MACF1: variants seen among roughly 807,000 people sequenced by gnomAD.
The protein encoded by MACF1 is microtubule actin crosslinking factor 1, also known as microtubule-actin cross-linking factor 1.
MACF1 carries 193 observed loss-of-function variants against 854.8 expected under a neutral mutation model. The ratio of observed to expected loss-of-function variants is 0.23; its 90% CI spans 0.20 to 0.25. The LOEUF is 0.25. Among genes scored for constraint, MACF1 ranks in the 10% least tolerant of loss-of-function variants. The probability of loss-of-function intolerance (pLI) is 1.00; values close to 1 mark genes in which losing one functional copy is unlikely to be tolerated. For missense variants in MACF1, 7,722 were observed against 8,929.1 expected, an observed-to-expected ratio of 0.86 and a Z score of 5.45; for synonymous variants, 3,185 against 3,226.7, an observed-to-expected ratio of 0.99 and a Z score of 0.44.
Position 39,335,584 on chromosome 1 carries a change from T to A in MACF1, c.8996T>A (p.Leu2999Ter). 1 of 1,614,150 alleles carries A rather than the reference T, an allele frequency of 6.2e-7. No individual in the cohort carries two copies. The highest frequency in any genetic ancestry group is 8.5e-7 in the Non-Finnish European group (1 of 1,180,012). The change falls in exon 37 of 101, where the codon TTG becomes TAG. Residue 2999 changes from leucine (L) to a stop codon, truncating the protein, a stop_gained. Transcript: ENST00000564288. LOFTEE classifies it high-confidence loss of function. ...CCAGCATTTCTTTCTGAAGAAAAGT[T>A]GTATCAGGAAACTGCCATTAGAGAT... ...CKPAFLSEEK[L>*]YQETAIRDEH...
At chr1:39,250,880 G>A (rs1055671718) in intron 3 of MACF1, among the ~76,000 whole-genome samples, 1 of 152,180 alleles carries the variant, frequency 6.6e-6, no homozygotes, top group Non-Finnish European at 1.5e-5. Context: ...CCTAATGGGA[G>A]CAGGTGATTC....
chr1:39,385,320 G>A (rs546110502), intron 56 of MACF1, 114 bp from the exon 57 acceptor site: 17 of 1,142,450 alleles, frequency 1.5e-5, no homozygotes, highest in African/African-American at 7.8e-5. Context: ...CTCCCACCTC[G>A]GCCTCCCAAA....
At chr1:39,171,892 C>T (rs1643954725) in intron 2 of MACF1, among the ~76,000 whole-genome samples, 3 of 152,350 alleles carry the variant, frequency 2.0e-5, no homozygotes, top group Admixed American at 6.5e-5. Context: ...TCTCAAAGTG[C>T]TGGGATTATA....
In MACF1 at chr1:39,438,080, C is replaced by T. The variant is rs565672865; in HGVS notation, c.18220+72C>T. 12 of 1,346,294 alleles carry T rather than the reference C, an allele frequency of 8.9e-6. No individual in the cohort carries two copies. The East Asian group carries it at 2.9e-4, about 33-fold the overall frequency. 83.4% of individuals were successfully genotyped at this position (1,346,294 alleles called of 1,614,324 possible). ...TAGGCTGTGGTTATCTTCAGCATCC[C>T]ACCAGATTTATTTATTTCTTTGAAT... On this transcript the variant is annotated intron_variant, in intron 71 of 100. Coordinates refer to ENST00000564288, the MANE Select transcript of MACF1 (RefSeq NM_001394062.1).
At chr1:39,251,642 T>C (rs1388573297) in intron 3 of MACF1, among the ~76,000 whole-genome samples, 1 of 152,254 alleles carries the variant, frequency 6.6e-6, no homozygotes, top group South Asian at 2.1e-4. Flanking sequence ...CTAAGGAGAA[T>C]TGAAGATGTG....
At chr1:39,432,304 C>G (rs1643888975) in intron 66 of MACF1, among the ~76,000 whole-genome samples, 1 of 152,142 alleles carries the variant, frequency 6.6e-6, no homozygotes, top group African/African-American at 2.4e-5. Flanking sequence ...TTATTTCTAG[C>G]TGTAGAAACT....
intron 6 of MACF1, chr1:39,269,309 A>G: frequency 3.1e-6 from 4 of 1,289,890 alleles, no homozygotes; most frequent in Non-Finnish European, 4.0e-6. Flanking sequence ...TGCCTAGGAC[A>G]GACTACCCCA....
At chr1:39,288,181 A>T (rs958719309) in intron 15 of MACF1, among the ~76,000 whole-genome samples, 4 of 152,148 alleles carry the variant, frequency 2.6e-5, no homozygotes, top group Non-Finnish European at 5.9e-5. Flanking sequence ...CAATCCAGTT[A>T]TACTCTTTTA....
intron 2 of MACF1, among the ~76,000 whole-genome samples, chr1:39,100,973 C>G (rs1273323183): frequency 6.6e-6 from 1 of 152,164 alleles, no homozygotes; most frequent in Non-Finnish European, 1.5e-5. Context: ...GTTACCCAGG[C>G]TGGTCTTGAA....
chr1:39,393,576 A>T (rs1005740535), intron 58 of MACF1, among the ~76,000 whole-genome samples: 4 of 152,070 alleles, frequency 2.6e-5, no homozygotes, highest in Non-Finnish European at 5.9e-5. Context: ...TGGGAGGCTG[A>T]TGTGGGCAGA....
chr1:39,486,461 G>A lies in MACF1; in HGVS notation c.*667G>A, dbSNP rs1227290023. The stretch of plus-strand genomic sequence containing the variant: ...TGCTAGAATTCAGGGGTAAATGTAA[G>A]TGTTCAGAAAACGTCAGAACATTTG... On this transcript the variant is annotated 3_prime_UTR_variant, in exon 101 of 101. Coordinates refer to ENST00000564288, the MANE Select transcript of MACF1 (RefSeq NM_001394062.1). 6.6e-6 allele frequency: 1 copy of A among 152,644 alleles called. No individual in the cohort carries two copies. The highest frequency in any genetic ancestry group is 2.4e-5 in the African/African-American group (1 of 41,436). The allele number at this position is 152,644 out of a possible 1,614,324, so 9.5% of individuals were successfully genotyped here.
At chr1:39,401,438 A>G (rs1350751949) in intron 58 of MACF1, among the ~76,000 whole-genome samples, 2 of 152,180 alleles carry the variant, frequency 1.3e-5, no homozygotes, top group Non-Finnish European at 2.9e-5. Flanking sequence ...ATATTAATCA[A>G]TCTTTAATTA....
chr1:39,120,946 G>A (rs957953861), intron 2 of MACF1: 6 of 152,364 alleles, frequency 3.9e-5, no homozygotes, highest in Admixed American at 2.0e-4. Flanking sequence ...TTTTAAAAAT[G>A]TGGAACACTT....
intron 5 of MACF1, among the ~76,000 whole-genome samples, chr1:39,255,098 C>G (rs1200558648): frequency 1.3e-5 from 2 of 151,770 alleles, no homozygotes; most frequent in African/African-American, 4.8e-5. Context: ...AGGTAAATGA[C>G]CTGCCTCAAA....
Position 39,336,638 on chromosome 1 carries a change from C to G in MACF1, c.10050C>G (p.Pro3350=), listed in dbSNP as rs564572593. Residue 3350 remains proline, a synonymous_variant, in exon 37 of 101, where the codon CCC becomes CCG. Coordinates refer to ENST00000564288, the MANE Select transcript of MACF1 (RefSeq NM_001394062.1). ...GKGNGGVNPE[P]FRATQNVFTR... ...GAAATGGAGGTGTAAACCCAGAGCC[C>G]TTCAGAGCAACTCAGGTCAGTGGTG... 3 of 1,605,880 alleles carry G rather than the reference C, an allele frequency of 1.9e-6. No individual in the cohort carries two copies. The highest frequency in any genetic ancestry group is 1.3e-5 in the African/African-American group (1 of 74,274).
chr1:39,463,778 C>T (rs1229965705), intron 94 of MACF1, 92 bp downstream of exon 94: 2 of 1,122,526 alleles, frequency 1.8e-6, no homozygotes, highest in South Asian at 1.3e-5. Context: ...GGCCCAGAGC[C>T]CATCGGACTT....
chr1:39,163,773 A>G (rs1286403282), intron 2 of MACF1, among the ~76,000 whole-genome samples: 3 of 152,168 alleles, frequency 2.0e-5, no homozygotes, highest in African/African-American at 7.2e-5. Flanking sequence ...ACACCCTCAG[A>G]GAGTGAATTC....
At chr1:39,484,140 G>A (rs1229418821) in intron 99 of MACF1, among the ~76,000 whole-genome samples, 2 of 152,196 alleles carry the variant, frequency 1.3e-5, no homozygotes, top group African/African-American at 2.4e-5. Flanking sequence ...GTGACAGAGC[G>A]AGACTCCGTC....
Position 39,387,364 on chromosome 1 carries a change from A to G in MACF1, c.14522A>G (p.Lys4841Arg). The G allele has an allele frequency of 6.2e-7, 1 of 1,614,202 alleles. No homozygotes were observed. The highest frequency in any genetic ancestry group is 8.5e-7 in the Non-Finnish European group (1 of 1,180,040). Residue 4841 changes from lysine to arginine, a missense_variant, in exon 58 of 101, where the codon AAA becomes AGA. Coordinates refer to ENST00000564288, the MANE Select transcript of MACF1 (RefSeq NM_001394062.1). ...SQLQENEEFQ[K>R]SLNQHSGSYE... ...CTACAGGAGAATGAAGAGTTTCAGAAAAGTCTTAATCAACACAGTGGCTCC... is the reference window on the plus strand; with the variant it reads ...CTACAGGAGAATGAAGAGTTTCAGAGAAGTCTTAATCAACACAGTGGCTCC...
Sources: gnomAD v4.1 joint callset for allele counts (sites outside exome capture counted in the v4.1 genomes callset) on GRCh38, gnomAD v4.1.1 for gene constraint, MANE v1.5 for transcripts, NCBI Gene and HGNC (gene_info 2026-07-23, HGNC 2026-07-21) for gene names.